Variants in ACSBG2 observed in about 807,000 individuals in gnomAD.
ACSBG2 encodes long-chain-fatty-acid--CoA ligase ACSBG2.
ACSBG2 carries 62 observed loss-of-function variants against 74.7 expected under a neutral mutation model. The observed-to-expected ratio is 0.83, with a 90% CI of 0.68 to 1.03. The LOEUF (loss-of-function observed/expected upper bound fraction) is 1.03, where lower values mean the gene tolerates loss of function less well. Among genes scored for constraint, ACSBG2 ranks in the 50% least tolerant of loss-of-function variants. ACSBG2 has a pLI of 0.00. For synonymous variants in ACSBG2, 309 were observed against 294.1 expected, an observed-to-expected ratio of 1.05 and a Z score of -0.52; for missense variants, 730 against 817.6, an observed-to-expected ratio of 0.89 and a Z score of 1.31.
chr19:6,170,692 G>A (rs1178326152), intron 7 of ACSBG2, among the ~76,000 whole-genome samples: 1 of 152,110 alleles, frequency 6.6e-6, no homozygotes, highest in Admixed American at 6.5e-5. Context: ...CGTTCCATGT[G>A]CAGATGAGAA....
intron 7 of ACSBG2, among the ~76,000 whole-genome samples, chr19:6,167,436 G>A (rs2089841015): frequency 6.6e-6 from 1 of 152,220 alleles, no homozygotes; most frequent in Non-Finnish European, 1.5e-5. Context: ...CACTGTCTCA[G>A]CTAGTGCTGT....
At position 6,182,805 on chromosome 19, in the gene ACSBG2, C is replaced by A. The variant is rs748662574; in HGVS notation, c.961C>A (p.Pro321Thr). The change falls in exon 9 of 15, where the codon CCT becomes ACT. Residue 321 changes from proline (P) to threonine (T), a missense_variant. Pro to Thr is a conservative substitution (Grantham distance 38, BLOSUM62 -1). Coordinates refer to ENST00000588485, the MANE Select transcript of ACSBG2 (RefSeq NM_030924.5). ...AAAACCTACTGTCTTCATTGGAGTG[C>A]CTCAAATTTGGGAGAAGATACATGA... ...EVKPTVFIGVPQIWEKIHEMV... is the reference protein window; with the variant it reads ...EVKPTVFIGVTQIWEKIHEMV... The A allele has an allele frequency of 4.3e-6, 7 of 1,614,054 alleles. No individual in the cohort carries two copies. In the Admixed American group the frequency reaches 1.2e-4, roughly 27 times the overall value.
At chr19:6,175,650 A>C (rs1334865788) in intron 7 of ACSBG2, among the ~76,000 whole-genome samples, 1 of 152,222 alleles carries the variant, frequency 6.6e-6, no homozygotes, top group African/African-American at 2.4e-5. Context: ...CATTGGAGCA[A>C]CAGCGAGGAG....
chr19:6,177,405 G>A lies in ACSBG2; in HGVS notation c.906+9G>A, dbSNP rs140822056. 26 of 1,581,786 alleles carry A rather than the reference G, an allele frequency of 1.6e-5. No individual in the cohort carries two copies. The African/African-American group carries it at 2.4e-4, about 15-fold the overall frequency. On this transcript the variant is annotated intron_variant, in intron 8 of 14. Coordinates refer to ENST00000588485, the MANE Select transcript of ACSBG2 (RefSeq NM_030924.5). ...AAGCAGATGCTCTCAAGGTAAGATTGAGTAAGGACCTGGGGCTCCGACTTC... is the reference window on the plus strand; with the variant it reads ...AAGCAGATGCTCTCAAGGTAAGATTAAGTAAGGACCTGGGGCTCCGACTTC...
rs2090385890 is a variant in ACSBG2 at position 6,185,655 on chromosome 19, T to C, written c.1540+2T>C. 1.9e-6 allele frequency: 3 copies of C among 1,613,802 alleles called. No individual in the cohort carries two copies. Among genetic ancestry groups the C allele is most frequent in the Admixed American group, 1.7e-5 (1 of 59,996 alleles). ...TCTATGTCACCGGCCACATCAAAGGTACCAGGGGCTGAGCTCTTTGGGAAT... is the reference window on the plus strand; with the variant it reads ...TCTATGTCACCGGCCACATCAAAGGCACCAGGGGCTGAGCTCTTTGGGAAT... On this transcript the variant is annotated splice_donor_variant, in intron 11 of 14. Coordinates refer to ENST00000588485, the MANE Select transcript of ACSBG2 (RefSeq NM_030924.5). LOFTEE classifies it high-confidence loss of function.
intron 5 of ACSBG2, 59 bp downstream of exon 5, chr19:6,156,610 G>A (rs2089428636): frequency 2.1e-6 from 3 of 1,451,292 alleles, no homozygotes; most frequent in South Asian, 1.6e-5. Flanking sequence ...AGGGCTCTGG[G>A]CAGGTGTTCT....
rs1290433114 is a variant in ACSBG2, at chr19:6,187,775, G to T, written c.1857G>T (p.Met619Ile). 1 of 1,614,204 alleles carries T rather than the reference G, an allele frequency of 6.2e-7. No homozygotes were observed. The highest frequency in any genetic ancestry group is 1.1e-5 in the South Asian group (1 of 91,086). The part of the protein sequence containing the change: ...QGINAVNQEA[M>I]NNAQRIEKWV... ...TCAATGCTGTGAACCAGGAAGCCAT[G>T]AACAATGCACAGAGGATTGAAAAGT... Residue 619 changes from methionine to isoleucine, a missense_variant, in exon 13 of 15, where the codon ATG (methionine) becomes ATT (isoleucine). By Grantham distance (10) the Met-to-Ile change is conservative (BLOSUM62 1). Coordinates refer to ENST00000588485, the MANE Select transcript of ACSBG2 (RefSeq NM_030924.5).
At chr19:6,182,654 A>G in intron 8 of ACSBG2, 97 bp from the exon 9 acceptor site, 1 of 1,194,404 alleles carries the variant, frequency 8.4e-7, no homozygotes, top group South Asian at 1.5e-5. Context: ...TCAGTGAAGG[A>G]ATGTTCTCTT....
chr19:6,185,348 A>G lies in ACSBG2; in HGVS notation c.1323-88A>G, dbSNP rs1012642094. The G allele has an allele frequency of 2.0e-5, 26 of 1,332,884 alleles. No individual in the cohort carries two copies. The African/African-American group carries it at 3.5e-4, about 18-fold the overall frequency. 82.6% of individuals were successfully genotyped at this position (1,332,884 alleles called of 1,614,324 possible). On this transcript the variant is annotated intron_variant, in intron 10 of 14. Transcript: ENST00000588485. Reference sequence around the variant, plus strand: ...CCAGCCTGCTCTAGCTGAGCAGAGTATTAGGCACCTAGGCTGAAGATCCAG... The same window carrying G: ...CCAGCCTGCTCTAGCTGAGCAGAGTGTTAGGCACCTAGGCTGAAGATCCAG...
At chr19:6,161,325 G>A (rs182647174) in intron 6 of ACSBG2, 30 bp downstream of exon 6, 5 of 1,598,252 alleles carry the variant, frequency 3.1e-6, no homozygotes, top group African/African-American at 1.3e-5. Flanking sequence ...ACTGGGGAAA[G>A]GGGAGGGCGG....
chr19:6,188,820 G>A (rs1456803317), intron 13 of ACSBG2, among the ~76,000 whole-genome samples: 3 of 152,056 alleles, frequency 2.0e-5, no homozygotes, highest in Non-Finnish European at 2.9e-5. Flanking sequence ...TGAAATCATC[G>A]GATGTGGAAG....
intron 5 of ACSBG2, among the ~76,000 whole-genome samples, chr19:6,157,568 A>G (rs1419334959): frequency 6.6e-6 from 1 of 151,924 alleles, no homozygotes; most frequent in Non-Finnish European, 1.5e-5. Flanking sequence ...GTCTCAAAAC[A>G]AACAAACAAA....
chr19:6,183,332 G>A lies in ACSBG2; in HGVS notation c.1322+60G>A, dbSNP rs528223458. 2.0e-6 allele frequency: 3 copies of A among 1,480,936 alleles called. No individual in the cohort carries two copies. The African/African-American group carries it at 4.2e-5, about 21-fold the overall frequency. The allele number at this position is 1,480,936 out of a possible 1,614,324, so 91.7% of individuals were successfully genotyped here. On this transcript the variant is annotated intron_variant, in intron 10 of 14. Transcript: ENST00000588485. ...ATAACATGGGGTCAAGAGGGGGAAGGTGGGTGGATAGATGGGCCTCTGGGT... is the reference window on the plus strand; with the variant it reads ...ATAACATGGGGTCAAGAGGGGGAAGATGGGTGGATAGATGGGCCTCTGGGT...
intron 14 of ACSBG2, 136 bp downstream of exon 14, chr19:6,190,828 C>CAG: frequency 1.8e-6 from 1 of 552,824 alleles, no homozygotes; most frequent in Non-Finnish European, 3.3e-6. Context: ...CACACACACA[C>CAG]ACACACACAC....
chr19:6,173,086 G>T (rs567943076), intron 7 of ACSBG2, among the ~76,000 whole-genome samples: 2 of 152,302 alleles, frequency 1.3e-5, no homozygotes, highest in East Asian at 3.9e-4. Flanking sequence ...CCAGTGGTTT[G>T]TGCCACACCC....
rs143888955 is a variant in ACSBG2 at position 6,156,258 on chromosome 19, CATT to C, written c.387-172_387-170del. On this transcript the variant is annotated intron_variant, in intron 4 of 14. Transcript: ENST00000588485. Reference sequence around the variant, plus strand: ...CATCATAGGAGCTGTCACTTATCATCATTGTCATTTTTGTTGTCTTCATCATTG... The same window carrying C: ...CATCATAGGAGCTGTCACTTATCATCGTCATTTTTGTTGTCTTCATCATTG... Among the ~76,000 whole-genome samples, 711 of 152,284 alleles carry C rather than the reference CATT, an allele frequency of 4.7e-3. 4 individuals are homozygous for C. Among genetic ancestry groups the C allele is most frequent in the Non-Finnish European group, 7.3e-3 (495 of 68,016 alleles).
At chr19:6,166,326 G>A (rs1037446372) in intron 7 of ACSBG2, among the ~76,000 whole-genome samples, 1 of 148,040 alleles carries the variant, frequency 6.8e-6, no homozygotes, top group Non-Finnish European at 1.5e-5. Flanking sequence ...GTGTGTGTGT[G>A]TGTGTTTTGA....
At chr19:6,181,809 A>ACCCCC (rs1487682988) in intron 8 of ACSBG2, among the ~76,000 whole-genome samples, 6 of 28,380 alleles carry the variant, frequency 2.1e-4, no homozygotes, top group South Asian at 2.2e-3. Flanking sequence ...AATAGTCCCC[A>ACCCCC]CCCGCCCCCC....
chr19:6,163,224 C>T (rs376099573), intron 6 of ACSBG2, among the ~76,000 whole-genome samples: 24,658 of 71,492 alleles, frequency 0.34, 6,349 homozygotes, highest in Non-Finnish European at 0.45. Flanking sequence ...CTGAGGCGGG[C>T]AGATCATGAG....
Sources: allele counts gnomAD v4.1 joint callset (sites outside exome capture counted in the v4.1 genomes callset), GRCh38; gene constraint gnomAD v4.1.1; transcripts MANE v1.5; gene names NCBI Gene and HGNC (gene_info 2026-07-23, HGNC 2026-07-21).